Variants in UBN2 observed in about 807,000 individuals in gnomAD.
UBN2 encodes ubinuclein-2.
In UBN2, 35 loss-of-function variants were observed where a neutral mutation model predicts 120.2. That is an observed-to-expected ratio of 0.29 (90% confidence interval 0.22 to 0.39). UBN2 has a LOEUF of 0.39. Among genes scored for constraint, UBN2 ranks in the 10% least tolerant of loss-of-function variants. The pLI is 1.00. For missense variants in UBN2, 1,693 were observed against 1,663.2 expected, an observed-to-expected ratio of 1.02 and a Z score of -0.31; for synonymous variants, 661 against 648.7, an observed-to-expected ratio of 1.02 and a Z score of -0.29.
chr7:139,272,181 G>A, intron 8 of UBN2, 141 bp from the exon 9 acceptor site: 1 of 608,438 alleles, frequency 1.6e-6, no homozygotes, highest in Non-Finnish European at 2.9e-6. Context: ...CAGTGCTGTA[G>A]AAGAAATGTC....
intron 17 of UBN2, among the ~76,000 whole-genome samples, chr7:139,296,900 T>C (rs1263864580): frequency 6.6e-6 from 1 of 151,436 alleles, no homozygotes; most frequent in Non-Finnish European, 1.5e-5. Flanking sequence ...GACTCTCTCT[T>C]AAAAAAAGAA....
intron 6 of UBN2, among the ~76,000 whole-genome samples, chr7:139,265,175 G>T (rs1311804808): frequency 2.0e-5 from 3 of 151,932 alleles, no homozygotes; most frequent in African/African-American, 7.3e-5. Context: ...GTTTTTTCAT[G>T]TTCTTAGGAT....
At chr7:139,243,790 C>A (rs1796387010) in intron 2 of UBN2, among the ~76,000 whole-genome samples, 1 of 152,052 alleles carries the variant, frequency 6.6e-6, no homozygotes, top group African/African-American at 2.4e-5. Context: ...TTATAGTTGG[C>A]AAAAATCTAT....
chr7:139,259,434 A>C (rs1796865407), intron 5 of UBN2, 64 bp downstream of exon 5: 1 of 1,582,780 alleles, frequency 6.3e-7, no homozygotes, highest in Admixed American at 1.9e-5. Flanking sequence ...CCCTTTAGAA[A>C]GATATACTTA....
the UBN2 span, among the ~76,000 whole-genome samples, chr7:139,316,068 A>G: frequency 8.1e-6 from 1 of 123,924 alleles, no homozygotes; most frequent in Non-Finnish European, 1.6e-5. Context: ...CAAGAGCGAG[A>G]CTTCGTCTCA....
chr7:139,311,354 T>C (rs116552651), downstream of UBN2, among the ~76,000 whole-genome samples: 288 of 152,364 alleles, frequency 1.9e-3, 2 homozygotes, highest in African/African-American at 6.5e-3. Context: ...TGTGTCTCTG[T>C]TGTCTCTGTG....
downstream of UBN2, among the ~76,000 whole-genome samples, chr7:139,309,732 A>G (rs1246553609): frequency 6.6e-6 from 1 of 152,202 alleles, no homozygotes; most frequent in Non-Finnish European, 1.5e-5. Flanking sequence ...TTAGCTGGGC[A>G]TGGTGGCAAA....
intron 16 of UBN2, 109 bp downstream of exon 16, chr7:139,293,572 G>GTTT (rs201538099): frequency 1.4e-3 from 971 of 687,446 alleles, no homozygotes; most frequent in Middle Eastern, 1.7e-3. Context: ...GAAGATTATA[G>GTTT]TTTTTTTTTT....
intron 2 of UBN2, among the ~76,000 whole-genome samples, chr7:139,240,824 G>GA (rs1796300891): frequency 6.6e-6 from 1 of 152,088 alleles, no homozygotes; most frequent in Non-Finnish European, 1.5e-5. Flanking sequence ...GGTTTTTTGG[G>GA]AAAAGGTCAA....
chr7:139,295,970 G>GT (rs1798099424), intron 17 of UBN2, among the ~76,000 whole-genome samples: 1 of 152,166 alleles, frequency 6.6e-6, no homozygotes, highest in African/African-American at 2.4e-5. Flanking sequence ...ATTTTAAAGT[G>GT]TAAGTCACTG....
intron 15 of UBN2, among the ~76,000 whole-genome samples, chr7:139,289,367 CTTGAG>C (rs1797878423): frequency 6.7e-6 from 1 of 149,500 alleles, no homozygotes; most frequent in East Asian, 2.0e-4. Flanking sequence ...TTTTGCTATA[CTTGAG>C]TTATTTAATT....
chr7:139,238,039 T>G (rs1016758377), intron 2 of UBN2, among the ~76,000 whole-genome samples: 1 of 152,232 alleles, frequency 6.6e-6, no homozygotes, highest in Non-Finnish European at 1.5e-5. Flanking sequence ...TTCTCAAATT[T>G]TCTAGTATTA....
intron 3 of UBN2, among the ~76,000 whole-genome samples, chr7:139,254,089 C>T (rs371032275): frequency 6.6e-6 from 1 of 152,060 alleles, no homozygotes. Flanking sequence ...GTCAGGAGAT[C>T]GAGACCATCC....
At chr7:139,273,905 T>A (rs1402928864) in intron 10 of UBN2, 26 bp from the exon 11 acceptor site, 1 of 1,554,736 alleles carries the variant, frequency 6.4e-7, no homozygotes, top group Non-Finnish European at 8.7e-7. Flanking sequence ...AAAAAAAGTT[T>A]CAAATTTAAT....
At chr7:139,236,268 G>A (rs1796160862) in intron 1 of UBN2, among the ~76,000 whole-genome samples, 5 of 152,152 alleles carry the variant, frequency 3.3e-5, no homozygotes. Context: ...CTAGAAGAAA[G>A]GCATGGTAAT....
Position 139,302,826 on chromosome 7 carries a change from CTT to C in UBN2, c.*4991_*4992del, listed in dbSNP as rs1327356447. On this transcript the variant is annotated 3_prime_UTR_variant, in exon 18 of 18. Coordinates refer to ENST00000473989, the MANE Select transcript of UBN2 (RefSeq NM_173569.4). The stretch of plus-strand genomic sequence containing the variant: ...CGTCAGTTACTACAAGTAAAATAAA[CTT>C]AGTGAATCATTGACTATTCTTGGAT... 2 of 151,398 alleles carry C rather than the reference CTT, an allele frequency of 1.3e-5. No individual in the cohort carries two copies. 9.4% of individuals were successfully genotyped at this position (151,398 alleles called of 1,614,324 possible).
At chr7:139,319,059 TTTG>T in the UBN2 span, among the ~76,000 whole-genome samples, 11 of 152,056 alleles carry the variant, frequency 7.2e-5, no homozygotes, top group African/African-American at 1.9e-4. Flanking sequence ...GCAAGAGTCT[TTTG>T]TTGTTGTTGT....
chr7:139,321,566 GGAGGGATGGGATAACCTCAATA>G, the UBN2 span, among the ~76,000 whole-genome samples: 1 of 152,196 alleles, frequency 6.6e-6, no homozygotes, highest in East Asian at 1.9e-4. Context: ...AGGGAACACC[GGAGGGATGGGATAACCTCAATA>G]GAGGGGAGGA....
In UBN2 at chr7:139,267,715, A is replaced by G. The variant is rs190596321; in HGVS notation, c.1466+1312A>G. ...TAATGTTTGTAATTTATTACTGTCT[A>G]TTATTTTGGAGTGCTTAAAAATAGA... On this transcript the variant is annotated intron_variant, in intron 7 of 17. Transcript: ENST00000473989. Among the ~76,000 whole-genome samples, 10 of 152,280 alleles carry G rather than the reference A, an allele frequency of 6.6e-5. 1 individual carries two copies. Among genetic ancestry groups the G allele is most frequent in the Admixed American group, 6.5e-4 (10 of 15,280 alleles).
Sources: allele counts gnomAD v4.1 joint callset (sites outside exome capture counted in the v4.1 genomes callset), GRCh38; gene constraint gnomAD v4.1.1; transcripts MANE v1.5; gene names NCBI Gene and HGNC (gene_info 2026-07-23, HGNC 2026-07-21).